PTGES3: variants seen among roughly 807,000 people sequenced by gnomAD.
The protein encoded by PTGES3 is Hsp90 co-chaperone.
Under a neutral mutation model 29.9 loss-of-function variants are expected in PTGES3, and 5 were observed. That is an observed-to-expected ratio of 0.17 (90% confidence interval 0.09 to 0.35). The LOEUF is 0.35. PTGES3 is among the 10% of genes least tolerant of loss of function. PTGES3 has a pLI of 1.00. For missense variants in PTGES3, 128 were observed against 190.0 expected, an observed-to-expected ratio of 0.67 and a Z score of 1.92; for synonymous variants, 49 against 57.8, an observed-to-expected ratio of 0.85 and a Z score of 0.69.
rs1952971416 is a variant in PTGES3 at position 56,688,061 on chromosome 12, T to G, written c.-62A>C. ...GGGCCTCTCTGGCGGCGGCTGCTGCTAGGGAGTCGACTTCTCTCCGGTGGC... is the reference window on the plus strand; with the variant it reads ...GGGCCTCTCTGGCGGCGGCTGCTGCGAGGGAGTCGACTTCTCTCCGGTGGC... On this transcript the variant is annotated 5_prime_UTR_variant, in exon 1 of 8. Coordinates refer to ENST00000262033, the MANE Select transcript of PTGES3 (RefSeq NM_006601.7). 3 of 1,473,432 alleles carry G rather than the reference T, an allele frequency of 2.0e-6. No individual in the cohort carries two copies. Among genetic ancestry groups the G allele is most frequent in the Non-Finnish European group, 2.7e-6 (3 of 1,110,436 alleles). The allele number at this position is 1,473,432 out of a possible 1,614,324, so 91.3% of individuals were successfully genotyped here. A position where few individuals can be genotyped will look rare whatever the true frequency, so the allele number is the denominator to read the frequency against.
chr12:56,672,610 CA>C, intron 3 of PTGES3, 129 bp downstream of exon 3: 1 of 1,109,490 alleles, frequency 9.0e-7, no homozygotes, highest in Non-Finnish European at 1.2e-6. Flanking sequence ...AAATATTCTA[CA>C]AAATGTAAAT....
At chr12:56,683,267 T>C (rs1952639932) in intron 1 of PTGES3, among the ~76,000 whole-genome samples, 1 of 150,972 alleles carries the variant, frequency 6.6e-6, no homozygotes. Flanking sequence ...GGTGATCACC[T>C]GAAGTCGGGA....
At chr12:56,669,196 ATTAT>A (rs1367554856) in intron 5 of PTGES3, among the ~76,000 whole-genome samples, 1 of 149,754 alleles carries the variant, frequency 6.7e-6, no homozygotes, top group East Asian at 2.0e-4. Flanking sequence ...GTTTTATTTA[ATTAT>A]TTATTAATTT....
intron 1 of PTGES3, among the ~76,000 whole-genome samples, chr12:56,686,518 G>A (rs1036855473): frequency 6.6e-6 from 1 of 152,010 alleles, no homozygotes; most frequent in East Asian, 1.9e-4. Context: ...GGGATTACAG[G>A]CATGTGCCAC....
intron 1 of PTGES3, chr12:56,687,749 G>A (rs1285249439): frequency 7.3e-6 from 10 of 1,378,002 alleles, no homozygotes; most frequent in East Asian, 6.1e-5. Flanking sequence ...ACAGCCAAAG[G>A]GGTAAAAGTA....
chr12:56,681,024 G>A (rs1435929842), intron 1 of PTGES3, among the ~76,000 whole-genome samples: 3 of 150,786 alleles, frequency 2.0e-5, no homozygotes, highest in African/African-American at 4.9e-5. Context: ...CATCCACCCC[G>A]GCCTCCCAAA....
At chr12:56,685,399 CTT>C (rs143526249) in intron 1 of PTGES3, among the ~76,000 whole-genome samples, 22 of 131,180 alleles carry the variant, frequency 1.7e-4, no homozygotes, top group African/African-American at 6.3e-4. Flanking sequence ...TTTTTCTTTT[CTT>C]TTTTTTTTTT....
At chr12:56,679,546 A>G (rs1228221857) in intron 1 of PTGES3, among the ~76,000 whole-genome samples, 1 of 152,158 alleles carries the variant, frequency 6.6e-6, no homozygotes, top group African/African-American at 2.4e-5. Context: ...ATTAAAATGA[A>G]TTAACAGTCT....
At chr12:56,665,135 C>G (rs1400040640) in intron 6 of PTGES3, 3 of 985,288 alleles carry the variant, frequency 3.0e-6, no homozygotes, top group Non-Finnish European at 3.6e-6. Context: ...AGACAGTGAA[C>G]TCTAATCCTA....
intron 1 of PTGES3, among the ~76,000 whole-genome samples, chr12:56,679,401 T>C (rs975641519): frequency 1.9e-5 from 2 of 104,580 alleles, no homozygotes; most frequent in Non-Finnish European, 3.6e-5. Context: ...AGAGTGAGAC[T>C]CTGCCTCAAA....
intron 1 of PTGES3, among the ~76,000 whole-genome samples, chr12:56,673,477 C>T (rs1405984366): frequency 2.9e-5 from 1 of 34,282 alleles, no homozygotes; most frequent in African/African-American, 1.0e-4. Flanking sequence ...ACTACAAATA[C>T]AAATACGGAA....
At chr12:56,687,746 AAGGGGTAAAAGT>A in intron 1 of PTGES3, 2 of 1,373,584 alleles carry the variant, frequency 1.5e-6, no homozygotes, top group Non-Finnish European at 9.4e-7. Context: ...CAGACAGCCA[AAGGGGTAAAAGT>A]AGGATTTCCG....
chr12:56,685,770 CTTTTTTTTTTTT>C (rs9325161), intron 1 of PTGES3, among the ~76,000 whole-genome samples: 5 of 71,898 alleles, frequency 7.0e-5, no homozygotes, highest in East Asian at 3.7e-4. Flanking sequence ...GCTACACTTA[CTTTTTTTTTTTT>C]TTTTTTTTTT....
chr12:56,687,281 C>G, intron 1 of PTGES3: 1 of 995,554 alleles, frequency 1.0e-6, no homozygotes, highest in Non-Finnish European at 1.2e-6. Flanking sequence ...AGAAAATGTC[C>G]GTATCTTTCC....
intron 1 of PTGES3, among the ~76,000 whole-genome samples, chr12:56,680,402 G>T (rs1353702068): frequency 2.0e-5 from 3 of 150,792 alleles, no homozygotes; most frequent in Non-Finnish European, 3.0e-5. Context: ...TTTTTTTTGG[G>T]GGGACAGAGT....
At chr12:56,664,901 A>G in intron 6 of PTGES3, 101 bp from the exon 7 acceptor site, 5 of 1,523,304 alleles carry the variant, frequency 3.3e-6, no homozygotes, top group Non-Finnish European at 4.4e-6. Context: ...TGACTAAAGT[A>G]GCACAGGTAG....
rs758271854 is a variant in PTGES3, at chr12:56,672,823, TAAAG to T, written c.117-18_117-15del. On this transcript the variant is annotated splice_polypyrimidine_tract_variant and intron_variant, in intron 2 of 7. Transcript: ENST00000262033. ...CCTCCGAGACAACTGTATAAAATAA[TAAAG>T]AAAGAATTAAGCCTCTTCAAAGAGA... The T allele has an allele frequency of 8.3e-6, 13 of 1,569,468 alleles. No individual in the cohort carries two copies. Among genetic ancestry groups the T allele is most frequent in the East Asian group, 2.3e-5 (1 of 44,306 alleles).
At chr12:56,687,864 C>T (rs1043962322) in intron 1 of PTGES3, 134 bp downstream of exon 1, 15 of 1,541,548 alleles carry the variant, frequency 9.7e-6, no homozygotes, top group African/African-American at 6.9e-5. Context: ...AACAAGGATC[C>T]TGGACCTCCC....
intron 6 of PTGES3, 166 bp downstream of exon 6, chr12:56,666,038 C>G: frequency 1.4e-6 from 2 of 1,385,750 alleles, no homozygotes; most frequent in South Asian, 1.7e-5. Context: ...CTAATAGATA[C>G]CCCCATTCGT....
Sources: allele counts gnomAD v4.1 joint callset (sites outside exome capture counted in the v4.1 genomes callset), GRCh38; gene constraint gnomAD v4.1.1; transcripts MANE v1.5; gene names NCBI Gene and HGNC (gene_info 2026-07-23, HGNC 2026-07-21).